ZZEF1: variants seen among roughly 807,000 people sequenced by gnomAD.
ZZEF1 encodes zinc finger ZZ-type and EF-hand domain-containing protein 1.
In ZZEF1, 157 loss-of-function variants were observed where a neutral mutation model predicts 342.8. The observed-to-expected ratio is 0.46, with a 90% CI of 0.40 to 0.52. The LOEUF is 0.52. ZZEF1 is among the 20% of genes least tolerant of loss of function. The pLI is 0.00. For synonymous variants in ZZEF1, 1,505 were observed against 1,429.1 expected (o/e 1.05, Z -1.20); for missense variants, 3,480 against 3,725.6 (o/e 0.93, Z 1.72).
chr17:4,107,125 T>G (rs74974530), intron 6 of ZZEF1, among the ~76,000 whole-genome samples: 11,679 of 152,276 alleles, frequency 0.077, 533 homozygotes, highest in South Asian at 0.13. Context: ...CAAAATATTC[T>G]TTTCCTTACC....
chr17:4,137,412 C>T (rs1446501258), intron 1 of ZZEF1, among the ~76,000 whole-genome samples: 1 of 152,162 alleles, frequency 6.6e-6, no homozygotes. Flanking sequence ...AGATCGAGAC[C>T]ATCCTGGCTA....
chr17:4,071,957 G>T (rs1377942136), intron 25 of ZZEF1, among the ~76,000 whole-genome samples: 1 of 152,154 alleles, frequency 6.6e-6, no homozygotes, highest in African/African-American at 2.4e-5. Context: ...TTTAGGGAAG[G>T]AGGAATATGA....
At chr17:4,084,439 A>G (rs944402336) in intron 16 of ZZEF1, among the ~76,000 whole-genome samples, 1 of 152,100 alleles carries the variant, frequency 6.6e-6, no homozygotes, top group African/African-American at 2.4e-5. Flanking sequence ...GGTTCTTCTA[A>G]CTATGTTCAT....
intron 52 of ZZEF1, among the ~76,000 whole-genome samples, chr17:4,011,403 C>CA (rs56922547): frequency 0.14 from 19,493 of 143,850 alleles, 1,691 homozygotes; most frequent in African/African-American, 0.25. Context: ...GACCATGTTT[C>CA]AAAAAAAAAA....
intron 46 of ZZEF1, among the ~76,000 whole-genome samples, chr17:4,019,328 A>G (rs1299612650): frequency 6.6e-6 from 1 of 152,154 alleles, no homozygotes. Context: ...AATTTTAAAA[A>G]TATCTTGAGC....
In ZZEF1 at chr17:4,070,741, T is replaced by C; in HGVS notation, c.4018A>G (p.Thr1340Ala). The C allele has an allele frequency of 6.2e-7, 1 of 1,614,168 alleles. No homozygotes were observed. The highest frequency in any genetic ancestry group is 8.5e-7 in the Non-Finnish European group (1 of 1,180,034). The change falls in exon 26 of 55, where the codon ACC (threonine) becomes GCC (alanine). Residue 1340 changes from threonine (T) to alanine (A), a missense_variant. By Grantham distance (58) the Thr-to-Ala change is moderately conservative. Around this residue, in one of 5 missense-constraint regions of ZZEF1, gnomAD observed 1,528 missense variants for 1,624.1 expected, o/e 0.94. Transcript: ENST00000381638. ...GTGCGATACACCAGAGCAGCAAAGG[T>C]GGCGTTCACAGCTTGATCAATAGTG... is the stretch of plus-strand genomic sequence containing the variant. ...GSTIDQAVNA[T>A]FAALVYRTPD...
intron 14 of ZZEF1, 25 bp downstream of exon 14, chr17:4,087,409 C>CTAA: frequency 1.9e-6 from 3 of 1,561,974 alleles, no homozygotes; most frequent in Non-Finnish European, 2.6e-6. Context: ...ATGTGCTTAT[C>CTAA]ACCTTATAAC....
intron 39 of ZZEF1, among the ~76,000 whole-genome samples, chr17:4,039,844 C>A (rs2056763831): frequency 6.6e-6 from 1 of 152,006 alleles, no homozygotes; most frequent in South Asian, 2.1e-4. Flanking sequence ...TGGGGTTTCA[C>A]TGTGTTAGCC....
At chr17:4,140,081 C>T (rs1458539225) in intron 1 of ZZEF1, among the ~76,000 whole-genome samples, 1 of 152,192 alleles carries the variant, frequency 6.6e-6, no homozygotes, top group Non-Finnish European at 1.5e-5. Flanking sequence ...TGGAGGATGA[C>T]AGCACAAGAT....
chr17:4,067,700 A>G (rs2057427818), intron 26 of ZZEF1, among the ~76,000 whole-genome samples: 1 of 152,218 alleles, frequency 6.6e-6, no homozygotes, highest in African/African-American at 2.4e-5. Flanking sequence ...GCTCATGCTT[A>G]TAATCCCAGC....
Position 4,014,155 on chromosome 17 carries a change from A to G in ZZEF1, c.8348T>C (p.Met2783Thr). 6.2e-7 allele frequency: 1 copy of G among 1,614,144 alleles called. No individual in the cohort carries two copies. Among genetic ancestry groups the G allele is most frequent in the South Asian group, 1.1e-5 (1 of 91,072 alleles). ...DTLYYRFTSD[M>T]SNTEWGYRFT... ...TCTGTAGCCCCACTCGGTGTTGCTC[A>G]TGTCGGAGGTGAAGCGGTAATACAG... Residue 2783 changes from methionine (M) to threonine (T), a missense_variant, in exon 51 of 55, where the codon ATG becomes ACG. Transcript: ENST00000381638. This position sits in a 1 kb window ranked among gnomAD's most constrained non-coding sequence, Gnocchi z 4.4.
chr17:4,021,390 A>G lies in ZZEF1; in HGVS notation c.7213-70T>C, dbSNP rs1288071068. The G allele has an allele frequency of 4.6e-6, 6 of 1,292,858 alleles. No homozygotes were observed. In the East Asian group the frequency reaches 1.5e-4, roughly 33 times the overall value. 80.1% of individuals were successfully genotyped at this position (1,292,858 alleles called of 1,614,324 possible). On this transcript the variant is annotated intron_variant, in intron 44 of 54. Coordinates refer to ENST00000381638, the MANE Select transcript of ZZEF1 (RefSeq NM_015113.4). ...GGGAAGATGGTACAGTCCTTTAATC[A>G]TGAAAATATTGGGCCTAACTTTTTA... is the stretch of plus-strand genomic sequence containing the variant.
intron 25 of ZZEF1, among the ~76,000 whole-genome samples, chr17:4,071,632 G>T (rs1323834107): frequency 6.6e-6 from 1 of 152,214 alleles, no homozygotes; most frequent in African/African-American, 2.4e-5. Flanking sequence ...GGACCTGCAA[G>T]CTGACTGGAC....
chr17:4,087,931 G>A (rs1265115825), intron 13 of ZZEF1, among the ~76,000 whole-genome samples: 1 of 152,036 alleles, frequency 6.6e-6, no homozygotes, highest in Non-Finnish European at 1.5e-5. Context: ...CCCCGTGCAT[G>A]GACTGAAAGG....
chr17:4,049,707 C>T lies in ZZEF1; in HGVS notation c.6015+1G>A, dbSNP rs1436575316. The T allele has an allele frequency of 1.2e-6, 2 of 1,613,972 alleles. No homozygotes were observed. Among genetic ancestry groups the T allele is most frequent in the Non-Finnish European group, 1.7e-6 (2 of 1,179,958 alleles). On this transcript the variant is annotated splice_donor_variant, in intron 37 of 54. Coordinates refer to ENST00000381638, the MANE Select transcript of ZZEF1 (RefSeq NM_015113.4). LOFTEE classifies it high-confidence loss of function. ...CTGTGTAGTAAAGAATCGTCATTTACATTGCCTGCTTCTGACAGCTCAGCA... is the reference window on the plus strand; with the variant it reads ...CTGTGTAGTAAAGAATCGTCATTTATATTGCCTGCTTCTGACAGCTCAGCA...
At chr17:4,092,048 C>G (rs1232998984) in intron 11 of ZZEF1, among the ~76,000 whole-genome samples, 1 of 148,504 alleles carries the variant, frequency 6.7e-6, no homozygotes, top group Non-Finnish European at 1.5e-5. Context: ...TGCACTCCAG[C>G]CTGGGCAACA....
In ZZEF1 at chr17:4,021,037, A is replaced by AT. The variant is rs149015508; in HGVS notation, c.7404+91dup. 2.1e-5 allele frequency: 29 copies of AT among 1,370,142 alleles called. No individual in the cohort carries two copies. The African/African-American group carries it at 3.3e-4, about 16-fold the overall frequency. 84.9% of individuals were successfully genotyped at this position (1,370,142 alleles called of 1,614,324 possible). ...AATTCTCAGGACAGCAGACAGAAGC[A>AT]TTTTCATGTTTAGGCTAAAACATGG... is the stretch of plus-strand genomic sequence containing the variant. On this transcript the variant is annotated intron_variant, in intron 45 of 54. Coordinates refer to ENST00000381638, the MANE Select transcript of ZZEF1 (RefSeq NM_015113.4).
At chr17:4,138,813 G>A (rs2058795388) in intron 1 of ZZEF1, among the ~76,000 whole-genome samples, 1 of 152,180 alleles carries the variant, frequency 6.6e-6, no homozygotes, top group Non-Finnish European at 1.5e-5. Flanking sequence ...TGTGAAATAA[G>A]AACTTAATTT....
At chr17:4,082,354 C>T (rs1163763206) in intron 17 of ZZEF1, 83 bp downstream of exon 17, 1 of 1,347,614 alleles carries the variant, frequency 7.4e-7, no homozygotes, top group Non-Finnish European at 1.0e-6. Flanking sequence ...ACTTCGAAGG[C>T]ACATGAAAGG....
Sources: gnomAD v4.1 joint callset for allele counts (sites outside exome capture counted in the v4.1 genomes callset) on GRCh38, gnomAD v4.1.1 for gene constraint, gnomAD v4.1.1 regional missense constraint, Gnocchi (gnomAD v3.1) non-coding constraint, MANE v1.5 for transcripts, NCBI Gene and HGNC (gene_info 2026-07-23, HGNC 2026-07-21) for gene names.